Variants in SND1 observed in about 807,000 individuals in gnomAD.
SND1 encodes the protein staphylococcal nuclease and tudor domain containing 1.
A neutral mutation model predicts 121.7 loss-of-function variants in SND1; 38 were observed. The observed-to-expected ratio is 0.31, with a 90% confidence interval of 0.24 to 0.41. The LOEUF is 0.41. Ranked by LOEUF, SND1 falls within the 10% of genes least tolerant of loss-of-function variation. The pLI is 1.00. For missense variants in SND1, 868 were observed against 1,184.6 expected (o/e 0.73, Z 3.92); for synonymous variants, 401 against 447.4 (o/e 0.90, Z 1.31).
At chr7:127,736,971 A>G (rs572595441) in intron 10 of SND1, among the ~76,000 whole-genome samples, 1 of 152,340 alleles carries the variant, frequency 6.6e-6, no homozygotes, top group South Asian at 2.1e-4. Context: ...GTACTTCTAC[A>G]GTGCACTTGT....
intron 10 of SND1, among the ~76,000 whole-genome samples, chr7:127,725,488 A>G (rs1161666374): frequency 6.6e-6 from 1 of 152,228 alleles, no homozygotes; most frequent in Non-Finnish European, 1.5e-5. Flanking sequence ...TGCCCTAGTT[A>G]GAACAGGCTG....
chr7:127,667,334 C>CT (rs1795435599), intron 1 of SND1, among the ~76,000 whole-genome samples: 1 of 152,172 alleles, frequency 6.6e-6, no homozygotes, highest in Admixed American at 6.5e-5. Flanking sequence ...TTTCATTTCT[C>CT]TAAGATATTT....
intron 15 of SND1, among the ~76,000 whole-genome samples, chr7:127,941,891 T>G (rs1801215203): frequency 1.7e-5 from 2 of 119,048 alleles, no homozygotes; most frequent in African/African-American, 7.0e-5. Context: ...GATAGGGAGT[T>G]TTTTTTTTTT....
intron 11 of SND1, among the ~76,000 whole-genome samples, chr7:127,822,730 A>G (rs575574168): frequency 2.1e-4 from 32 of 152,338 alleles, no homozygotes; most frequent in African/African-American, 7.0e-4. Flanking sequence ...TAGTAATTAT[A>G]TGTTACTTAC....
chr7:128,028,834 C>A (rs765616977), intron 16 of SND1: 1 of 1,614,174 alleles, frequency 6.2e-7, no homozygotes. Context: ...TTAATATGGT[C>A]ATGAATTGTG....
intron 1 of SND1, among the ~76,000 whole-genome samples, chr7:127,672,221 C>G (rs975791903): frequency 6.6e-6 from 1 of 151,918 alleles, no homozygotes; most frequent in Non-Finnish European, 1.5e-5. Flanking sequence ...TATACCATAT[C>G]CCTTTCATAC....
At chr7:128,035,799 A>G (rs1198617940) in intron 16 of SND1, among the ~76,000 whole-genome samples, 2 of 152,218 alleles carry the variant, frequency 1.3e-5, no homozygotes, top group Non-Finnish European at 2.9e-5. Flanking sequence ...AGAAATGGTC[A>G]TCTAGAGGAC....
At chr7:127,854,977 C>T (rs1799246696) in intron 12 of SND1, among the ~76,000 whole-genome samples, 1 of 149,646 alleles carries the variant, frequency 6.7e-6, no homozygotes, top group African/African-American at 2.5e-5. Flanking sequence ...AATATAATAG[C>T]TCCTATTTTG....
At chr7:127,827,218 T>G (rs1212854582) in intron 11 of SND1, among the ~76,000 whole-genome samples, 1 of 152,244 alleles carries the variant, frequency 6.6e-6, no homozygotes, top group African/African-American at 2.4e-5. Flanking sequence ...CTTTTCATTC[T>G]GATTTAAAGT....
At chr7:127,712,313 C>G (rs959113765) in intron 9 of SND1, among the ~76,000 whole-genome samples, 1 of 152,106 alleles carries the variant, frequency 6.6e-6, no homozygotes, top group Admixed American at 6.5e-5. Flanking sequence ...TGCACGCTAA[C>G]ACACCTGGCT....
At chr7:127,969,395 T>A (rs1183165558) in intron 15 of SND1, among the ~76,000 whole-genome samples, 2 of 152,184 alleles carry the variant, frequency 1.3e-5, no homozygotes, top group South Asian at 2.1e-4. Context: ...CTGGCTCCAT[T>A]CGCTCGTATA....
At chr7:128,012,943 T>A (rs1441976968) in intron 16 of SND1, among the ~76,000 whole-genome samples, 2 of 152,102 alleles carry the variant, frequency 1.3e-5, no homozygotes, top group Non-Finnish European at 2.9e-5. Flanking sequence ...CATGACACCC[T>A]CCCTTCCCAT....
At chr7:127,893,896 C>T (rs1800064260) in intron 13 of SND1, among the ~76,000 whole-genome samples, 2 of 151,962 alleles carry the variant, frequency 1.3e-5, no homozygotes, top group African/African-American at 4.8e-5. Context: ...AAAAAACTAG[C>T]ACTCCAGCCT....
chr7:127,833,780 C>T (rs1352831394), intron 11 of SND1, among the ~76,000 whole-genome samples: 1 of 152,214 alleles, frequency 6.6e-6, no homozygotes, highest in Non-Finnish European at 1.5e-5. Flanking sequence ...CACATTCATT[C>T]ACATTGTTGT....
intron 9 of SND1, among the ~76,000 whole-genome samples, chr7:127,712,459 C>G (rs1195000286): frequency 1.3e-5 from 2 of 152,168 alleles, no homozygotes; most frequent in East Asian, 3.9e-4. Context: ...CATGCCTGGC[C>G]AGGGTATACA....
chr7:127,846,948 CT>C (rs202214200), intron 12 of SND1, among the ~76,000 whole-genome samples: 8 of 151,042 alleles, frequency 5.3e-5, no homozygotes, highest in East Asian at 1.9e-4. Context: ...TTTATTTATC[CT>C]TTTTTTTTCT....
chr7:127,729,373 T>G (rs1419202259), intron 10 of SND1, among the ~76,000 whole-genome samples: 1 of 152,030 alleles, frequency 6.6e-6, no homozygotes, highest in Non-Finnish European at 1.5e-5. Flanking sequence ...ATCTCTCCCT[T>G]CATCTTTCTC....
chr7:127,769,210 G>T (rs1403165162), intron 10 of SND1, among the ~76,000 whole-genome samples: 2 of 152,010 alleles, frequency 1.3e-5, no homozygotes, highest in Non-Finnish European at 2.9e-5. Context: ...GAGAGGGCTT[G>T]GGTTTGTTTC....
At chr7:128,066,604 A>C (rs752374424) in intron 16 of SND1, among the ~76,000 whole-genome samples, 7 of 152,250 alleles carry the variant, frequency 4.6e-5, no homozygotes, top group Non-Finnish European at 1.0e-4. Flanking sequence ...CTCGCCTTCC[A>C]CAGCATCGCC....
Sources: allele counts gnomAD v4.1 joint callset (sites outside exome capture counted in the v4.1 genomes callset), GRCh38; gene constraint gnomAD v4.1.1; transcripts MANE v1.5; gene names NCBI Gene and HGNC (gene_info 2026-07-23, HGNC 2026-07-21).